EPHA4: variants seen among roughly 807,000 people sequenced by gnomAD.
The protein encoded by EPHA4 is ephrin type-A receptor 4.
EPHA4 carries 19 observed loss-of-function variants against 108.3 expected under a neutral mutation model. The observed-to-expected ratio is 0.18, with a 90% CI of 0.12 to 0.26. EPHA4 has a LOEUF of 0.26. Among genes scored for constraint, EPHA4 ranks in the 10% least tolerant of loss-of-function variants. The pLI is 1.00. For missense variants in EPHA4, 917 were observed against 1,254.0 expected, an observed-to-expected ratio of 0.73 and a Z score of 4.06; for synonymous variants, 449 against 455.5, an observed-to-expected ratio of 0.99 and a Z score of 0.18.
intron 5 of EPHA4, among the ~76,000 whole-genome samples, chr2:221,460,169 A>G (rs547014981): frequency 6.6e-6 from 1 of 152,300 alleles, no homozygotes; most frequent in African/African-American, 2.4e-5. Context: ...ATGCAGCCCT[A>G]CTTGGGAAGC....
Position 221,432,818 on chromosome 2 carries a change from ATTTTTT to A in EPHA4, c.2496+1318_2496+1323del, listed in dbSNP as rs34200694. ...ACCACCACGCCCAGCAAATCTTTGT[ATTTTTT>A]TTTTTTTTTTTTTTTTTTGAGACGG... On this transcript the variant is annotated intron_variant, in intron 14 of 17. Coordinates refer to ENST00000281821, the MANE Select transcript of EPHA4 (RefSeq NM_004438.5). 1.8e-3 allele frequency among the ~76,000 whole-genome samples: 159 copies of A among 89,098 alleles called. 2 individuals carry two copies. Among genetic ancestry groups the A allele is most frequent in the African/African-American group, 6.6e-3 (153 of 23,310 alleles). The allele number at this position is 89,098 out of a possible 152,430, so 58.5% of individuals were successfully genotyped here. A position where few individuals can be genotyped will look rare whatever the true frequency, so the allele number is the denominator to read the frequency against.
chr2:221,535,016 A>G (rs1693625764), intron 3 of EPHA4, among the ~76,000 whole-genome samples: 1 of 152,236 alleles, frequency 6.6e-6, no homozygotes. Context: ...CACGTTCTCC[A>G]TCGCTATTGG....
upstream of EPHA4, chr2:221,573,890 T>C (rs1022733686): frequency 6.6e-6 from 1 of 152,244 alleles, no homozygotes; most frequent in Admixed American, 6.5e-5. This position sits in a 1 kb window ranked among gnomAD's most constrained non-coding sequence, Gnocchi z 4.5. Flanking sequence ...CTGGAGTCTG[T>C]CGTGACTCTC....
intron 8 of EPHA4, among the ~76,000 whole-genome samples, chr2:221,447,334 C>T (rs920966346): frequency 2.0e-5 from 3 of 152,188 alleles, no homozygotes; most frequent in African/African-American, 7.2e-5. Flanking sequence ...AAAATTCCCG[C>T]AAAGCCAGGT....
chr2:221,572,076 C>T (rs982732516), intron 1 of EPHA4, 82 bp downstream of exon 1: 2 of 1,174,510 alleles, frequency 1.7e-6, no homozygotes, highest in African/African-American at 1.5e-5. Context: ...CCCCGCACCA[C>T]CTGGCCCTGC....
Position 221,430,102 on chromosome 2 carries a change from C to G in EPHA4, c.2546G>C (p.Cys849Ser). ...EGYRLPPPMD[C>S]PIALHQLMLD... is the part of the protein sequence containing the mutation. Reference sequence around the variant, plus strand: ...CATCAGCTGGTGGAGCGCAATGGGGCAGTCCATTGGAGGGGGTAACCGATA... The same window carrying G: ...CATCAGCTGGTGGAGCGCAATGGGGGAGTCCATTGGAGGGGGTAACCGATA... The change falls in exon 15 of 18, where the codon TGC becomes TCC. Residue 849 changes from cysteine to serine, a missense_variant. By Grantham distance (112) the Cys-to-Ser change is moderately radical. This residue lies in a region of EPHA4 where 758 missense variants were observed against 1,076.7 expected (regional missense o/e 0.70). Transcript: ENST00000281821. 1.2e-6 allele frequency: 2 copies of G among 1,613,286 alleles called. No homozygotes were observed. The highest frequency in any genetic ancestry group is 1.7e-6 in the Non-Finnish European group (2 of 1,179,884).
At chr2:221,556,751 G>GA (rs1482244483) in intron 3 of EPHA4, among the ~76,000 whole-genome samples, 2 of 151,958 alleles carry the variant, frequency 1.3e-5, no homozygotes, top group Admixed American at 6.5e-5. Context: ...GAAAGGGATA[G>GA]AAAAAACGAT....
chr2:221,495,770 T>C (rs1043869818), intron 4 of EPHA4, among the ~76,000 whole-genome samples: 1 of 152,210 alleles, frequency 6.6e-6, no homozygotes, highest in African/African-American at 2.4e-5. Flanking sequence ...TTTATTCACC[T>C]GGTCTAATTG....
intron 3 of EPHA4, among the ~76,000 whole-genome samples, chr2:221,508,067 A>G (rs1035434543): frequency 1.3e-5 from 2 of 152,170 alleles, no homozygotes; most frequent in African/African-American, 4.8e-5. Context: ...ACCCGATGAC[A>G]ACATTGCTGG....
chr2:221,499,588 A>G (rs1196546743), intron 4 of EPHA4, among the ~76,000 whole-genome samples: 1 of 150,364 alleles, frequency 6.7e-6, no homozygotes, highest in South Asian at 2.1e-4. Flanking sequence ...TTGATTGCCC[A>G]GTGGCCCAAA....
chr2:221,561,917 G>A (rs1458468413), intron 3 of EPHA4, among the ~76,000 whole-genome samples: 2 of 152,190 alleles, frequency 1.3e-5, no homozygotes, highest in South Asian at 4.2e-4. Flanking sequence ...GAAGATGTGC[G>A]GCTCCTGTCT....
At chr2:221,451,988 A>G (rs1227048428) in intron 8 of EPHA4, among the ~76,000 whole-genome samples, 1 of 152,218 alleles carries the variant, frequency 6.6e-6, no homozygotes, top group African/African-American at 2.4e-5. Flanking sequence ...AAATGAAACA[A>G]TTGCTATAAA....
intron 3 of EPHA4, among the ~76,000 whole-genome samples, chr2:221,522,006 CAAAT>C (rs1172351900): frequency 1.3e-5 from 2 of 151,936 alleles, no homozygotes; most frequent in Non-Finnish European, 2.9e-5. Flanking sequence ...AACAAAAAAA[CAAAT>C]AAACAAAAAA....
chr2:221,499,325 A>G (rs1692400941), intron 4 of EPHA4, among the ~76,000 whole-genome samples: 1 of 150,886 alleles, frequency 6.6e-6, no homozygotes, highest in Admixed American at 6.6e-5. Context: ...GATCTTGAGC[A>G]TGTTCCTTAA....
At chr2:221,437,670 G>A (rs183009120) in intron 11 of EPHA4, among the ~76,000 whole-genome samples, 3,978 of 151,678 alleles carry the variant, frequency 0.026, 177 homozygotes, top group African/African-American at 0.092. Flanking sequence ...TCAGCACTTT[G>A]GGAGGCCAAG....
chr2:221,494,664 C>T (rs1692251474), intron 4 of EPHA4, among the ~76,000 whole-genome samples: 1 of 152,024 alleles, frequency 6.6e-6, no homozygotes, highest in Non-Finnish European at 1.5e-5. Flanking sequence ...TTTAGCTTCC[C>T]AGTGGGGGAA....
chr2:221,536,476 C>A (rs1181667286), intron 3 of EPHA4, among the ~76,000 whole-genome samples: 1 of 152,138 alleles, frequency 6.6e-6, no homozygotes, highest in South Asian at 2.1e-4. Flanking sequence ...AAGATGTTTC[C>A]CCAAATCCTC....
intron 3 of EPHA4, 42 bp from the exon 4 acceptor site, chr2:221,501,214 C>G: frequency 6.6e-7 from 1 of 1,504,874 alleles, no homozygotes; most frequent in Non-Finnish European, 8.9e-7. Context: ...GAAACCACTG[C>G]AAATAGACCA....
At chr2:221,443,717 G>A (rs535788815) in intron 9 of EPHA4, 111 bp from the exon 10 acceptor site, 22 of 643,596 alleles carry the variant, frequency 3.4e-5, no homozygotes, top group Admixed American at 1.5e-4. Flanking sequence ...TTAGCTGTAC[G>A]GTCTTGACAT....
Sources: gnomAD v4.1 joint callset for allele counts (sites outside exome capture counted in the v4.1 genomes callset) on GRCh38, gnomAD v4.1.1 for gene constraint, gnomAD v4.1.1 regional missense constraint, Gnocchi (gnomAD v3.1) non-coding constraint, MANE v1.5 for transcripts, NCBI Gene and HGNC (gene_info 2026-07-23, HGNC 2026-07-21) for gene names.